Variants in NRIP1 observed in about 807,000 individuals in gnomAD.
NRIP1 encodes the protein nuclear receptor-interacting protein 1.
A neutral mutation model predicts 75.0 loss-of-function variants in NRIP1; 28 were observed. The ratio of observed to expected loss-of-function variants is 0.37; its 90% CI spans 0.28 to 0.51. NRIP1 has a LOEUF of 0.51. NRIP1 is among the 20% of genes least tolerant of loss of function. The pLI is 0.92. For missense variants in NRIP1, 1,435 were observed against 1,343.7 expected (o/e 1.07, Z -1.06); for synonymous variants, 526 against 487.6 (o/e 1.08, Z -1.04).
chr21:15,014,417 T>C lies in NRIP1; in HGVS notation c.-408A>G, dbSNP rs2088177846. On this transcript the variant is annotated 5_prime_UTR_variant, in exon 3 of 4. Transcript: ENST00000318948. ...GAAGGCTGTTGAAAAGTAGCTCTGA[T>C]GTCATCCGGAGTCTTCAGATTCCCT... The C allele has an allele frequency of 1.0e-5, 4 of 398,450 alleles. No homozygotes were observed. The highest frequency in any genetic ancestry group is 1.8e-5 in the Non-Finnish European group (4 of 225,936). The allele number at this position is 398,450 out of a possible 1,614,324, so 24.7% of individuals were successfully genotyped here.
At chr21:15,048,159 C>G (rs182861444) in intron 1 of NRIP1, among the ~76,000 whole-genome samples, 1 of 152,160 alleles carries the variant, frequency 6.6e-6, no homozygotes, top group East Asian at 1.9e-4. Context: ...TCACTGATTA[C>G]AGATCACCAT....
chr21:14,968,476 T>C lies in NRIP1; in HGVS notation c.-284A>G. 1 of 295,714 alleles carries C rather than the reference T, an allele frequency of 3.4e-6. No individual in the cohort carries two copies. The highest frequency in any genetic ancestry group is 6.7e-6 in the Non-Finnish European group (1 of 149,952). 18.3% of individuals were successfully genotyped at this position (295,714 alleles called of 1,614,324 possible). ...CAGATAGAATCCTTAGTGAATATAT[T>C]CCTTTTCCTTCTTCATCTTTTGTTC... On this transcript the variant is annotated 5_prime_UTR_variant, in exon 4 of 4. Transcript: ENST00000318948.
chr21:14,998,331 T>C (rs1267992286), intron 3 of NRIP1, among the ~76,000 whole-genome samples: 1 of 152,206 alleles, frequency 6.6e-6, no homozygotes, highest in Non-Finnish European at 1.5e-5. Context: ...AGGAGTCTAA[T>C]CTCTCCATGA....
intron 2 of NRIP1, among the ~76,000 whole-genome samples, chr21:15,027,837 C>T (rs1049188251): frequency 1.3e-5 from 2 of 152,088 alleles, no homozygotes; most frequent in Admixed American, 6.6e-5. Flanking sequence ...CATATATTCA[C>T]CATGACAGCC....
rs1392408776 is a variant in NRIP1 at position 14,962,540 on chromosome 21, A to AT, written c.*2175dup. 4 of 152,300 alleles carry AT rather than the reference A, an allele frequency of 2.6e-5. No individual in the cohort carries two copies. The highest frequency in any genetic ancestry group is 4.4e-5 in the Non-Finnish European group (3 of 67,888). 9.4% of individuals were successfully genotyped at this position (152,300 alleles called of 1,614,324 possible). A position where few individuals can be genotyped will look rare whatever the true frequency, so the allele number is the denominator to read the frequency against. ...CCTACCCAAGGGAGAATACCAACAT[A>AT]TTTTTTCTGACATACCTCTAAGGCT... On this transcript the variant is annotated 3_prime_UTR_variant, in exon 4 of 4. Coordinates refer to ENST00000318948, the MANE Select transcript of NRIP1 (RefSeq NM_003489.4).
chr21:14,971,151 A>G (rs573743621), intron 3 of NRIP1, among the ~76,000 whole-genome samples: 1 of 152,328 alleles, frequency 6.6e-6, no homozygotes, highest in East Asian at 1.9e-4. Flanking sequence ...TGACATATAC[A>G]AATAATTTTA....
At position 14,967,448 on chromosome 21, in the gene NRIP1, T is replaced by C; in HGVS notation, c.745A>G (p.Lys249Glu). 2 of 1,614,070 alleles carry C rather than the reference T, an allele frequency of 1.2e-6. No individual in the cohort carries two copies. Among genetic ancestry groups the C allele is most frequent in the South Asian group, 1.1e-5 (1 of 91,072 alleles). ...GGTGAGGTGGCAGGACTAGCCCTTT[T>C]TTCCACCATGCTTGCAACAGCCTGT... Reference protein sequence around the residue: ...RLQAVASMVEKRASPATSPKP... With the variant: ...RLQAVASMVEERASPATSPKP... Residue 249 changes from lysine (K) to glutamate (E), a missense_variant, in exon 4 of 4, where the codon AAA (lysine) becomes GAA (glutamate). Physicochemically the swap from Lys to Glu is moderately conservative, Grantham distance 56. Transcript: ENST00000318948.
At chr21:14,990,862 A>G (rs1256770335) in intron 3 of NRIP1, among the ~76,000 whole-genome samples, 1 of 152,194 alleles carries the variant, frequency 6.6e-6, no homozygotes, top group Non-Finnish European at 1.5e-5. Flanking sequence ...TGGACATAGC[A>G]TCTAATAATA....
intron 1 of NRIP1, among the ~76,000 whole-genome samples, chr21:15,060,928 C>G (rs1330383545): frequency 2.0e-5 from 3 of 152,248 alleles, no homozygotes; most frequent in Admixed American, 2.0e-4. Context: ...GTTTCACCAT[C>G]TGACACTCCT....
In NRIP1 at chr21:14,994,014, T is replaced by C. The variant is rs545719814; in HGVS notation, c.-335+20330A>G. 7.2e-5 allele frequency among the ~76,000 whole-genome samples: 11 copies of C among 152,338 alleles called. No homozygotes were observed. The East Asian group carries it at 9.6e-4, about 13-fold the overall frequency. On this transcript the variant is annotated intron_variant, in intron 3 of 3. Coordinates refer to ENST00000318948, the MANE Select transcript of NRIP1 (RefSeq NM_003489.4). ...GATCATGTATTTATATATTTTACTA[T>C]GCCTTGGTACTTTCAATCATATGAC...
intron 1 of NRIP1, among the ~76,000 whole-genome samples, chr21:15,064,154 G>A (rs1978614577): frequency 6.6e-6 from 1 of 152,202 alleles, no homozygotes; most frequent in African/African-American, 2.4e-5. Context: ...CCTGGCTCCT[G>A]GTAAAATGAT....
chr21:15,045,997 G>GTTACTTCCTCCAC (rs61262303), intron 1 of NRIP1, among the ~76,000 whole-genome samples: 67,872 of 151,772 alleles, frequency 0.45, 16,471 homozygotes, highest in African/African-American at 0.64. Flanking sequence ...CACATCTGCA[G>GTTACTTCCTCCAC]TTACTTCCTC....
intron 3 of NRIP1, among the ~76,000 whole-genome samples, chr21:14,982,209 AT>A (rs1319803404): frequency 6.6e-6 from 1 of 151,966 alleles, no homozygotes; most frequent in African/African-American, 2.4e-5. Context: ...CACTGTTTAT[AT>A]TTTGCTTTGT....
chr21:14,968,147 T>C lies in NRIP1; in HGVS notation c.46A>G (p.Ile16Val), dbSNP rs2086811580. ...AATCCTTCTAGGTAAGTTAAAACAATAGAATCCTGGTGCACATCAGAGCCA... is the reference window on the plus strand; with the variant it reads ...AATCCTTCTAGGTAAGTTAAAACAACAGAATCCTGGTGCACATCAGAGCCA... ...ELGSDVHQDS[I>V]VLTYLEGLLM... Residue 16 changes from isoleucine to valine, a missense_variant, in exon 4 of 4, where the codon ATT (isoleucine) becomes GTT (valine). By Grantham distance (29) the Ile-to-Val change is conservative. Transcript: ENST00000318948. 2 of 1,613,688 alleles carry C rather than the reference T, an allele frequency of 1.2e-6. No homozygotes were observed. Among genetic ancestry groups the C allele is most frequent in the South Asian group, 2.2e-5 (2 of 91,028 alleles).
intron 1 of NRIP1, among the ~76,000 whole-genome samples, chr21:15,061,428 A>G (rs1202271995): frequency 6.6e-6 from 1 of 152,206 alleles, no homozygotes; most frequent in Non-Finnish European, 1.5e-5. Flanking sequence ...TTTTCATGGA[A>G]GAAAATATCC....
At chr21:15,035,404 C>A (rs188039035) in intron 2 of NRIP1, among the ~76,000 whole-genome samples, 1 of 152,068 alleles carries the variant, frequency 6.6e-6, no homozygotes, top group Non-Finnish European at 1.5e-5. Context: ...CACATTTATT[C>A]ATTTCATACA....
chr21:14,966,164 T>C lies in NRIP1; in HGVS notation c.2029A>G (p.Lys677Glu). ...DRLNSPLLSN[K>E]TNAVEENKAF... is the part of the protein sequence containing the mutation. ...TTATTTTCTTCAACTGCATTTGTTT[T>C]ATTTGAGAGCAAAGGGCTATTTAAT... Residue 677 changes from lysine to glutamate, a missense_variant, in exon 4 of 4, where the codon AAA (lysine) becomes GAA (glutamate). Physicochemically the swap from Lys to Glu is moderately conservative, Grantham distance 56. Transcript: ENST00000318948. 6.2e-7 allele frequency: 1 copy of C among 1,613,662 alleles called. No homozygotes were observed. Among genetic ancestry groups the C allele is most frequent in the Non-Finnish European group, 8.5e-7 (1 of 1,179,940 alleles).
At chr21:15,010,173 C>A (rs925997917) in intron 3 of NRIP1, among the ~76,000 whole-genome samples, 1 of 152,076 alleles carries the variant, frequency 6.6e-6, no homozygotes, top group South Asian at 2.1e-4. Flanking sequence ...TAAGCTCTGA[C>A]GTTAGAATCA....
chr21:14,975,837 G>A (rs1209305040), intron 3 of NRIP1, among the ~76,000 whole-genome samples: 1 of 151,750 alleles, frequency 6.6e-6, no homozygotes, highest in Non-Finnish European at 1.5e-5. Flanking sequence ...TGCCAAAATG[G>A]TAAAATGCCA....
Sources: gnomAD v4.1 joint callset for allele counts (sites outside exome capture counted in the v4.1 genomes callset) on GRCh38, gnomAD v4.1.1 for gene constraint, MANE v1.5 for transcripts, NCBI Gene and HGNC (gene_info 2026-07-23, HGNC 2026-07-21) for gene names.